The following SLC4A10 variants were observed in gnomAD, a reference collection of about 807,000 sequenced individuals.
SLC4A10 encodes solute carrier family 4 member 10.
Under a neutral mutation model 137.7 loss-of-function variants are expected in SLC4A10, and 42 were observed. The observed-to-expected ratio is 0.30, with a 90% CI of 0.24 to 0.39. SLC4A10 has a LOEUF of 0.39. SLC4A10 is among the 10% of genes least tolerant of loss of function. The pLI, the probability that SLC4A10 is intolerant of heterozygous loss-of-function variation, is 1.00. For synonymous variants in SLC4A10, 474 were observed against 464.1 expected (o/e 1.02, Z -0.27); for missense variants, 925 against 1,355.0 (o/e 0.68, Z 4.98).
chr2:161,726,438 A>G (rs1250551810), intron 1 of SLC4A10, among the ~76,000 whole-genome samples: 3 of 152,160 alleles, frequency 2.0e-5, no homozygotes, highest in African/African-American at 7.2e-5. Context: ...AACTAAATGA[A>G]TGTGGGGAGA....
intron 4 of SLC4A10, among the ~76,000 whole-genome samples, chr2:161,844,281 A>G (rs1356059485): frequency 6.6e-6 from 1 of 152,180 alleles, no homozygotes; most frequent in Admixed American, 6.6e-5. Context: ...TTGATCTTCA[A>G]AATTAGTAAT....
intron 1 of SLC4A10, among the ~76,000 whole-genome samples, chr2:161,767,334 T>C (rs2051019683): frequency 6.6e-6 from 1 of 150,408 alleles, no homozygotes; most frequent in Non-Finnish European, 1.5e-5. Flanking sequence ...TACTTATCCA[T>C]ACTTCAGACA....
intron 3 of SLC4A10, among the ~76,000 whole-genome samples, chr2:161,823,152 C>T (rs149783608): frequency 9.3e-4 from 142 of 152,216 alleles, no homozygotes; most frequent in African/African-American, 3.1e-3. Flanking sequence ...AAAATCTACA[C>T]AAATCTATTA....
At chr2:161,901,937 AT>A (rs1239127578) in intron 12 of SLC4A10, 43 of 409,834 alleles carry the variant, frequency 1.0e-4, no homozygotes, top group Middle Eastern at 3.6e-4. Flanking sequence ...TTTTGGTGGT[AT>A]TTTTTTTCTC....
chr2:161,644,658 A>T (rs2035782851), intron 1 of SLC4A10, among the ~76,000 whole-genome samples: 1 of 152,318 alleles, frequency 6.6e-6, no homozygotes, highest in African/African-American at 2.4e-5. Flanking sequence ...AGGCTCAGCC[A>T]ACATTTTGAT....
chr2:161,890,282 G>A (rs142531911), intron 10 of SLC4A10, among the ~76,000 whole-genome samples: 2,280 of 152,236 alleles, frequency 0.015, 55 homozygotes, highest in African/African-American at 0.052. Context: ...GGGGTGGAGA[G>A]TTCTGTAGAT....
intron 3 of SLC4A10, among the ~76,000 whole-genome samples, chr2:161,806,127 C>A (rs1004859154): frequency 6.6e-6 from 1 of 152,160 alleles, no homozygotes; most frequent in African/African-American, 2.4e-5. Context: ...GAAGCCACAG[C>A]CTGAGCTCTA....
intron 1 of SLC4A10, among the ~76,000 whole-genome samples, chr2:161,672,748 G>T (rs927830751): frequency 6.6e-6 from 1 of 152,068 alleles, no homozygotes; most frequent in African/African-American, 2.4e-5. Context: ...CTAATTCTGA[G>T]TCAGTATTAA....
chr2:161,757,489 T>C (rs1217319548), intron 1 of SLC4A10, among the ~76,000 whole-genome samples: 1 of 152,172 alleles, frequency 6.6e-6, no homozygotes, highest in Non-Finnish European at 1.5e-5. Context: ...GATAGCATTA[T>C]AACCGTATTA....
chr2:161,898,597 C>T (rs2063758388), intron 11 of SLC4A10, among the ~76,000 whole-genome samples: 3 of 151,746 alleles, frequency 2.0e-5, no homozygotes. Context: ...ATATTTTTTC[C>T]CTTTCAGTTA....
At chr2:161,861,394 C>A (rs1450005719) in intron 5 of SLC4A10, among the ~76,000 whole-genome samples, 1 of 152,028 alleles carries the variant, frequency 6.6e-6, no homozygotes, top group African/African-American at 2.4e-5. Flanking sequence ...CACCTTATGA[C>A]CATAAGGAAA....
chr2:161,836,550 AAG>A (rs2058799692), intron 3 of SLC4A10, among the ~76,000 whole-genome samples: 1 of 64,732 alleles, frequency 1.5e-5, no homozygotes, highest in Non-Finnish European at 3.3e-5. Flanking sequence ...GAAAGAAAGA[AAG>A]AAAGAAAGAA....
At chr2:161,801,090 C>G (rs1361521672) in intron 2 of SLC4A10, among the ~76,000 whole-genome samples, 5 of 151,936 alleles carry the variant, frequency 3.3e-5, no homozygotes, top group Non-Finnish European at 7.4e-5. Context: ...TAATTTTTAC[C>G]AGCTTGTAAC....
At chr2:161,812,049 G>T (rs2056600949) in intron 3 of SLC4A10, among the ~76,000 whole-genome samples, 1 of 152,004 alleles carries the variant, frequency 6.6e-6, no homozygotes, top group Non-Finnish European at 1.5e-5. Flanking sequence ...TGCTTTATTT[G>T]GTTTATTCAA....
intron 17 of SLC4A10, among the ~76,000 whole-genome samples, chr2:161,948,398 C>T (rs1694213680): frequency 6.6e-6 from 1 of 152,142 alleles, no homozygotes; most frequent in Non-Finnish European, 1.5e-5. Context: ...TTTGTCACCA[C>T]TTTCTTCTCT....
At chr2:161,800,361 CCTCT>C (rs764472280) in intron 2 of SLC4A10, among the ~76,000 whole-genome samples, 4 of 152,018 alleles carry the variant, frequency 2.6e-5, no homozygotes, top group Admixed American at 2.0e-4. Context: ...TGAAAACCAT[CCTCT>C]CTATGTAAAA....
intron 1 of SLC4A10, among the ~76,000 whole-genome samples, chr2:161,768,484 C>T (rs1459245190): frequency 6.6e-6 from 1 of 151,986 alleles, no homozygotes; most frequent in African/African-American, 2.4e-5. Flanking sequence ...GTAGCAAGAT[C>T]CTTTCTCTAG....
chr2:161,934,373 G>A (rs781504998), intron 15 of SLC4A10, among the ~76,000 whole-genome samples: 21 of 151,822 alleles, frequency 1.4e-4, no homozygotes, highest in Admixed American at 3.9e-4. Flanking sequence ...ACATGAGGTC[G>A]ATTATTTTAA....
At chr2:161,937,018 GT>G (rs1691698477) in intron 15 of SLC4A10, among the ~76,000 whole-genome samples, 1 of 151,998 alleles carries the variant, frequency 6.6e-6, no homozygotes, top group Non-Finnish European at 1.5e-5. Flanking sequence ...AAAAGTATTT[GT>G]TTTTGGCAAG....
Sources: gnomAD v4.1 joint callset for allele counts (sites outside exome capture counted in the v4.1 genomes callset) on GRCh38, gnomAD v4.1.1 for gene constraint, MANE v1.5 for transcripts, NCBI Gene and HGNC (gene_info 2026-07-23, HGNC 2026-07-21) for gene names.